TRIM24: variants seen among roughly 807,000 people sequenced by gnomAD.
TRIM24 encodes the protein tripartite motif containing 24, also known as transcription intermediary factor 1-alpha.
A neutral mutation model predicts 123.9 loss-of-function variants in TRIM24; 29 were observed. The observed-to-expected ratio is 0.23, with a 90% CI of 0.17 to 0.32. The LOEUF is 0.32. Ranked by LOEUF, TRIM24 falls within the 10% of genes least tolerant of loss-of-function variation. The probability of loss-of-function intolerance (pLI) is 1.00; values close to 1 mark genes in which losing one functional copy is unlikely to be tolerated. For synonymous variants in TRIM24, 456 were observed against 461.1 expected (o/e 0.99, Z 0.14); for missense variants, 932 against 1,295.3 (o/e 0.72, Z 4.31).
At position 138,489,980 on chromosome 7, in the gene TRIM24, A is replaced by G. The variant is rs370332531; in HGVS notation, c.365-14310A>G. 1.3e-4 allele frequency among the ~76,000 whole-genome samples: 20 copies of G among 152,320 alleles called. No homozygotes were observed. The East Asian group carries it at 3.1e-3, about 23-fold the overall frequency. On this transcript the variant is annotated intron_variant, in intron 1 of 18. Coordinates refer to ENST00000343526, the MANE Select transcript of TRIM24 (RefSeq NM_015905.3). Reference sequence around the variant, plus strand: ...TGGTTCCATTCTCCCCATCACTTTCAGGTATACCGATCAGACGTAGATTTG... The same window carrying G: ...TGGTTCCATTCTCCCCATCACTTTCGGGTATACCGATCAGACGTAGATTTG...
At chr7:138,540,953 C>T (rs1403374750) in intron 7 of TRIM24, among the ~76,000 whole-genome samples, 2 of 152,168 alleles carry the variant, frequency 1.3e-5, no homozygotes, top group Non-Finnish European at 2.9e-5. Flanking sequence ...ATTCTCCTGC[C>T]TCAGCCTCCC....
intron 2 of TRIM24, among the ~76,000 whole-genome samples, chr7:138,505,639 T>A (rs1361685007): frequency 6.6e-6 from 1 of 151,964 alleles, no homozygotes; most frequent in Non-Finnish European, 1.5e-5. Flanking sequence ...TGGGCTCAAG[T>A]GATTCTCCCA....
At chr7:138,582,264 C>T (rs1309379736) in intron 17 of TRIM24, among the ~76,000 whole-genome samples, 1 of 152,044 alleles carries the variant, frequency 6.6e-6, no homozygotes, top group Non-Finnish European at 1.5e-5. Flanking sequence ...TGACTGTGGC[C>T]GGGCGCGGTG....
At chr7:138,469,172 G>T (rs960540589) in intron 1 of TRIM24, among the ~76,000 whole-genome samples, 1 of 151,980 alleles carries the variant, frequency 6.6e-6, no homozygotes, top group Non-Finnish European at 1.5e-5. Context: ...TAATTTCATT[G>T]TACCTTTTTA....
At chr7:138,475,807 G>T (rs1795383951) in intron 1 of TRIM24, among the ~76,000 whole-genome samples, 1 of 152,194 alleles carries the variant, frequency 6.6e-6, no homozygotes, top group African/African-American at 2.4e-5. Flanking sequence ...ACTGTGCCTA[G>T]CCCAACTCTG....
intron 4 of TRIM24, among the ~76,000 whole-genome samples, chr7:138,522,118 ATAAG>A (rs903685057): frequency 7.2e-5 from 11 of 152,150 alleles, no homozygotes; most frequent in African/African-American, 1.2e-4. Flanking sequence ...TCTCTAAAAA[ATAAG>A]TAAGTAAGTA....
chr7:138,522,069 A>G (rs1796514451), intron 4 of TRIM24, among the ~76,000 whole-genome samples: 1 of 152,194 alleles, frequency 6.6e-6, no homozygotes, highest in South Asian at 2.1e-4. Flanking sequence ...GCTGAAGCCC[A>G]GGAGTTTGAG....
chr7:138,529,082 A>T (rs749924890), intron 5 of TRIM24, 34 bp from the exon 6 acceptor site: 1 of 1,331,648 alleles, frequency 7.5e-7, no homozygotes, highest in Non-Finnish European at 1.0e-6. Context: ...ATACAAAAAA[A>T]CTGCCTTATG....
rs1307657438 is a variant in TRIM24, at chr7:138,586,054, A to ATCAAAC, written c.*1105_*1110dup. The ATCAAAC allele has an allele frequency of 2.4e-5, 10 of 423,528 alleles. No individual in the cohort carries two copies. Among genetic ancestry groups the ATCAAAC allele is most frequent in the Non-Finnish European group, 3.7e-5 (8 of 216,418 alleles). 26.2% of individuals were successfully genotyped at this position (423,528 alleles called of 1,614,324 possible). A position where few individuals can be genotyped will look rare whatever the true frequency, so the allele number is the denominator to read the frequency against. On this transcript the variant is annotated 3_prime_UTR_variant, in exon 19 of 19. Transcript: ENST00000343526. ...ATGTTTTTCTTTTGAGAGTCAGAAC[A>ATCAAAC]TCAAACTTAATCTTTGATCTGACTT...
intron 1 of TRIM24, among the ~76,000 whole-genome samples, chr7:138,478,721 G>T (rs1795459786): frequency 6.6e-6 from 1 of 152,152 alleles, no homozygotes; most frequent in Non-Finnish European, 1.5e-5. Flanking sequence ...TCCAAAGAAG[G>T]GGCAGGAGAG....
intron 7 of TRIM24, among the ~76,000 whole-genome samples, chr7:138,539,178 C>T (rs559271820): frequency 2.0e-5 from 3 of 152,156 alleles, no homozygotes; most frequent in Non-Finnish European, 4.4e-5. Flanking sequence ...ATTCACCCCC[C>T]TTGTACACAT....
Position 138,480,988 on chromosome 7 carries a change from GTT to G in TRIM24, c.364+20077_364+20078del, listed in dbSNP as rs572607252. ...AACTTTTTTTTTCATTTTTTAAAAA[GTT>G]ATTATTATTATTATTTTTTAAGACA... is the stretch of plus-strand genomic sequence containing the variant. On this transcript the variant is annotated intron_variant, in intron 1 of 18. Coordinates refer to ENST00000343526, the MANE Select transcript of TRIM24 (RefSeq NM_015905.3). Among the ~76,000 whole-genome samples the G allele has an allele frequency of 1.1e-3, 172 of 151,554 alleles. 1 individual carries two copies. The highest frequency in any genetic ancestry group is 3.8e-3 in the African/African-American group (159 of 41,334).
chr7:138,517,371 T>C (rs993566478), intron 3 of TRIM24, among the ~76,000 whole-genome samples: 2 of 152,032 alleles, frequency 1.3e-5, no homozygotes, highest in Admixed American at 1.3e-4. Context: ...TGTTTTGTTT[T>C]GTTTTGTTTT....
At chr7:138,490,490 A>G (rs944486284) in intron 1 of TRIM24, 33 of 171,504 alleles carry the variant, frequency 1.9e-4, no homozygotes, top group Non-Finnish European at 2.5e-5. Flanking sequence ...ATTAAGCAAG[A>G]ACTCCTCCCT....
At chr7:138,548,599 T>C (rs1332323462) in intron 7 of TRIM24, among the ~76,000 whole-genome samples, 1 of 152,192 alleles carries the variant, frequency 6.6e-6, no homozygotes, top group Non-Finnish European at 1.5e-5. Flanking sequence ...TACATTAAAT[T>C]TATTTGAAAA....
chr7:138,491,796 C>T (rs1418019131), intron 1 of TRIM24, among the ~76,000 whole-genome samples: 1 of 152,118 alleles, frequency 6.6e-6, no homozygotes, highest in Non-Finnish European at 1.5e-5. Flanking sequence ...GTTATAGCTT[C>T]TCCACATCCT....
At position 138,585,833 on chromosome 7, in the gene TRIM24, C is replaced by T. The variant is rs773796431; in HGVS notation, c.*882C>T. ...ACTACCCAAAATATAAATACAGCAG[C>T]GTGCACTGTATTTGATGTGAGGGTT... On this transcript the variant is annotated 3_prime_UTR_variant, in exon 19 of 19. Transcript: ENST00000343526. 1.5e-5 allele frequency: 8 copies of T among 519,404 alleles called. No homozygotes were observed. Among genetic ancestry groups the T allele is most frequent in the African/African-American group, 9.6e-5 (5 of 52,036 alleles). The allele number at this position is 519,404 out of a possible 1,614,324, so 32.2% of individuals were successfully genotyped here. A position where few individuals can be genotyped will look rare whatever the true frequency, so the allele number is the denominator to read the frequency against.
intron 1 of TRIM24, chr7:138,491,379 T>C (rs1261510938): frequency 6.2e-6 from 1 of 161,740 alleles, no homozygotes; most frequent in East Asian, 1.9e-4. Context: ...TGCTCCTCTT[T>C]CCTTCTGTCC....
intron 2 of TRIM24, among the ~76,000 whole-genome samples, chr7:138,509,138 G>A (rs1050066007): frequency 1.1e-4 from 16 of 151,444 alleles, no homozygotes; most frequent in African/African-American, 2.4e-4. Flanking sequence ...TTAGCAGAGC[G>A]GGGTTTCTCC....
Sources: allele counts gnomAD v4.1 joint callset (sites outside exome capture counted in the v4.1 genomes callset), GRCh38; gene constraint gnomAD v4.1.1; transcripts MANE v1.5; gene names NCBI Gene and HGNC (gene_info 2026-07-23, HGNC 2026-07-21).